Variants in WDR43 observed in about 807,000 individuals in gnomAD.
The protein encoded by WDR43 is WD repeat domain 43, also known as WD repeat-containing protein 43.
In WDR43, 13 loss-of-function variants were observed where a neutral mutation model predicts 91.4. The ratio of observed to expected loss-of-function variants is 0.14; its 90% CI spans 0.09 to 0.23. The LOEUF is 0.23. Ranked by LOEUF, WDR43 falls within the 10% of genes least tolerant of loss-of-function variation. The pLI is 1.00. For missense variants in WDR43, 780 were observed against 809.4 expected (o/e 0.96, Z 0.44); for synonymous variants, 331 against 287.9 (o/e 1.15, Z -1.51).
chr2:28,912,836 T>C, intron 4 of WDR43, 126 bp downstream of exon 4: 2 of 1,303,598 alleles, frequency 1.5e-6, no homozygotes, highest in Non-Finnish European at 2.1e-6. Flanking sequence ...ATCAAATAGT[T>C]TAGTGGATAA....
rs761025521 is a variant in WDR43, at chr2:28,936,902, A to G, written c.1525-20A>G. ...TTGCCTCTGAAGTGCTGTTGTTAATAGTGTTTTTCTCTCCCTTAGCTTACA... is the reference window on the plus strand; with the variant it reads ...TTGCCTCTGAAGTGCTGTTGTTAATGGTGTTTTTCTCTCCCTTAGCTTACA... On this transcript the variant is annotated intron_variant, in intron 12 of 17. Coordinates refer to ENST00000407426, the MANE Select transcript of WDR43 (RefSeq NM_015131.3). 5 of 1,565,218 alleles carry G rather than the reference A, an allele frequency of 3.2e-6. No homozygotes were observed. The highest frequency in any genetic ancestry group is 4.3e-6 in the Non-Finnish European group (5 of 1,153,238).
At chr2:28,933,367 T>A (rs551720014) in intron 11 of WDR43, among the ~76,000 whole-genome samples, 1 of 152,288 alleles carries the variant, frequency 6.6e-6, no homozygotes, top group East Asian at 1.9e-4. Context: ...TTATCTCACC[T>A]TACACAAAAA....
intron 12 of WDR43, chr2:28,935,853 A>C (rs1173131413): frequency 3.5e-6 from 1 of 281,860 alleles, no homozygotes; most frequent in Non-Finnish European, 6.6e-6. Context: ...GTGTCTGTTT[A>C]CCTGGAGGCA....
intron 3 of WDR43, among the ~76,000 whole-genome samples, chr2:28,911,346 T>C (rs1457155060): frequency 6.6e-6 from 1 of 151,200 alleles, no homozygotes; most frequent in Non-Finnish European, 1.5e-5. Flanking sequence ...CAGGCTGGAG[T>C]ACAGTGGTGC....
intron 14 of WDR43, among the ~76,000 whole-genome samples, chr2:28,938,704 C>T (rs1671380929): frequency 6.6e-6 from 1 of 152,182 alleles, no homozygotes; most frequent in African/African-American, 2.4e-5. Flanking sequence ...TTGTCACAGT[C>T]CCTTGTTCTC....
At chr2:28,928,980 T>C (rs569503056) in intron 10 of WDR43, among the ~76,000 whole-genome samples, 9 of 152,162 alleles carry the variant, frequency 5.9e-5, no homozygotes, top group East Asian at 1.9e-4. Flanking sequence ...CAGACCACAG[T>C]TGAGTTTTTG....
intron 3 of WDR43, among the ~76,000 whole-genome samples, chr2:28,909,548 G>A (rs554955838): frequency 2.0e-5 from 3 of 152,264 alleles, no homozygotes; most frequent in South Asian, 4.1e-4. Flanking sequence ...ATCCTGAGCT[G>A]CCTGTTGCTA....
In WDR43 at chr2:28,947,302, A is replaced by G. The variant is rs1196261097; in HGVS notation, c.*523A>G. On this transcript the variant is annotated 3_prime_UTR_variant, in exon 18 of 18. Coordinates refer to ENST00000407426, the MANE Select transcript of WDR43 (RefSeq NM_015131.3). ...GTAAAAATGATGGTAATTAAAAAAA[A>G]TCCTCAGTATCCCTAGCTTGTCTAT... The G allele has an allele frequency of 6.6e-6, 1 of 152,254 alleles. No individual in the cohort carries two copies. The highest frequency in any genetic ancestry group is 1.5e-5 in the Non-Finnish European group (1 of 68,056). The allele number at this position is 152,254 out of a possible 1,614,324, so 9.4% of individuals were successfully genotyped here. A position where few individuals can be genotyped will look rare whatever the true frequency, so the allele number is the denominator to read the frequency against.
intron 3 of WDR43, among the ~76,000 whole-genome samples, chr2:28,907,626 C>G (rs183086157): frequency 5.5e-4 from 82 of 150,296 alleles, no homozygotes; most frequent in Admixed American, 2.0e-3. Context: ...AAAAAAAAGG[C>G]TGGGCTTGGT....
At position 28,902,050 on chromosome 2, in the gene WDR43, T is replaced by C. The variant is rs1423263325; in HGVS notation, c.289T>C (p.Leu97=). 6.2e-6 allele frequency: 10 copies of C among 1,611,158 alleles called. No individual in the cohort carries two copies. Among genetic ancestry groups the C allele is most frequent in the African/African-American group, 4.0e-5 (3 of 74,744 alleles). ...AGGAATGAGTAACCAGACTGACTTA[T>C]TGGCTCTTGGCACAGCAGTTGGTAG... ...AVGMSNQTDL[L]ALGTAVGSIL... The change falls in exon 2 of 18, where the codon TTG becomes CTG. Residue 97 remains leucine, a synonymous_variant. Transcript: ENST00000407426.
chr2:28,918,380 T>A (rs1392791230), intron 6 of WDR43, among the ~76,000 whole-genome samples: 1 of 152,072 alleles, frequency 6.6e-6, no homozygotes, highest in African/African-American at 2.4e-5. Context: ...CTTTTTTCAT[T>A]TTTTTGAGAC....
intron 16 of WDR43, among the ~76,000 whole-genome samples, chr2:28,945,803 C>T (rs547595048): frequency 6.6e-6 from 1 of 152,310 alleles, no homozygotes; most frequent in Admixed American, 6.5e-5. Context: ...AATCATACAT[C>T]TAATATATCA....
intron 1 of WDR43, among the ~76,000 whole-genome samples, chr2:28,900,021 T>C (rs1394354567): frequency 6.6e-6 from 1 of 152,190 alleles, no homozygotes; most frequent in African/African-American, 2.4e-5. Context: ...ATGCTTGACA[T>C]AGGCTATGTA....
chr2:28,929,885 C>T (rs1263545424), intron 11 of WDR43, among the ~76,000 whole-genome samples, 175 bp downstream of exon 11: 1 of 152,024 alleles, frequency 6.6e-6, no homozygotes, highest in African/African-American at 2.4e-5. Context: ...CAGTCACCAA[C>T]CTACAACGGG....
chr2:28,895,093 G>T lies in WDR43; in HGVS notation c.225+170G>T, dbSNP rs891925498. 11 of 606,538 alleles carry T rather than the reference G, an allele frequency of 1.8e-5. No homozygotes were observed. The African/African-American group carries it at 2.1e-4, about 12-fold the overall frequency. The allele number at this position is 606,538 out of a possible 1,614,324, so 37.6% of individuals were successfully genotyped here. A position where few individuals can be genotyped will look rare whatever the true frequency, so the allele number is the denominator to read the frequency against. ...GCCCAAGCCGCCAGCCCCGCGTGCG[G>T]CCTGCCGCGAGGGCAGTGAGGGAGG... On this transcript the variant is annotated intron_variant, in intron 1 of 17. Transcript: ENST00000407426.
intron 3 of WDR43, among the ~76,000 whole-genome samples, chr2:28,908,659 C>G (rs992827341): frequency 1.3e-5 from 2 of 152,214 alleles, no homozygotes; most frequent in African/African-American, 4.8e-5. Context: ...AGCCTGACCT[C>G]TCATACACTA....
intron 3 of WDR43, among the ~76,000 whole-genome samples, chr2:28,910,885 A>G (rs574843430): frequency 6.6e-6 from 1 of 151,804 alleles, no homozygotes; most frequent in Non-Finnish European, 1.5e-5. Context: ...TTTAGTAGAG[A>G]CAAGGTTTCA....
intron 12 of WDR43, among the ~76,000 whole-genome samples, chr2:28,936,388 A>G (rs1671337564): frequency 6.6e-6 from 1 of 152,168 alleles, no homozygotes; most frequent in Non-Finnish European, 1.5e-5. Context: ...GTGTACCATT[A>G]TTGGTAAGGG....
rs187110265 is a variant in WDR43, at chr2:28,900,089, C to T, written c.226-1898C>T. Among the ~76,000 whole-genome samples the T allele has an allele frequency of 2.3e-3, 357 of 152,230 alleles. 1 individual carries two copies. Among genetic ancestry groups the T allele is most frequent in the Non-Finnish European group, 3.7e-3 (255 of 68,018 alleles). On this transcript the variant is annotated intron_variant, in intron 1 of 17. Coordinates refer to ENST00000407426, the MANE Select transcript of WDR43 (RefSeq NM_015131.3). The stretch of plus-strand genomic sequence containing the variant: ...AAATTCAAATTGGCAATAAAGCATA[C>T]GCATATTTGGACCTGTCTTTGTTTC...
Sources: allele counts gnomAD v4.1 joint callset (sites outside exome capture counted in the v4.1 genomes callset), GRCh38; gene constraint gnomAD v4.1.1; transcripts MANE v1.5; gene names NCBI Gene and HGNC (gene_info 2026-07-23, HGNC 2026-07-21).